CTNNA2: variants seen among roughly 807,000 people sequenced by gnomAD.
CTNNA2 encodes the protein catenin alpha-2.
In CTNNA2, 42 loss-of-function variants were observed where a neutral mutation model predicts 101.0. The observed-to-expected ratio is 0.42, with a 90% CI of 0.32 to 0.54. The LOEUF (loss-of-function observed/expected upper bound fraction) is 0.54. Ranked by LOEUF, CTNNA2 falls within the 20% of genes least tolerant of loss-of-function variation. The pLI is 0.14. For synonymous variants in CTNNA2, 450 were observed against 456.4 expected (o/e 0.99, Z 0.18); for missense variants, 871 against 1,223.1 (o/e 0.71, Z 4.29).
At chr2:79,446,848 T>C (rs1475396849) in intron 4 of CTNNA2, among the ~76,000 whole-genome samples, 5 of 152,176 alleles carry the variant, frequency 3.3e-5, no homozygotes, top group Admixed American at 6.6e-5. Context: ...TTGTCCTATA[T>C]AGAGAATTGG....
chr2:79,221,269 A>G (rs1282364196), intron 2 of CTNNA2, among the ~76,000 whole-genome samples: 1 of 152,162 alleles, frequency 6.6e-6, no homozygotes, highest in African/African-American at 2.4e-5. Flanking sequence ...TTCCTGCCTC[A>G]GCCAAGTAGC....
At chr2:79,432,705 T>C (rs1470164629) in intron 4 of CTNNA2, among the ~76,000 whole-genome samples, 1 of 152,166 alleles carries the variant, frequency 6.6e-6, no homozygotes, top group Non-Finnish European at 1.5e-5. Context: ...TAGAGATCTG[T>C]GAGTTTATTT....
At chr2:80,216,147 A>G (rs887327324) in intron 7 of CTNNA2, among the ~76,000 whole-genome samples, 4 of 152,144 alleles carry the variant, frequency 2.6e-5, no homozygotes, top group Admixed American at 6.5e-5. Context: ...CCGATTTTCC[A>G]GGTACCGTCT....
At chr2:79,453,515 ATC>A (rs368127472) in intron 4 of CTNNA2, among the ~76,000 whole-genome samples, 1 of 152,314 alleles carries the variant, frequency 6.6e-6, no homozygotes, top group African/African-American at 2.4e-5. Flanking sequence ...TGGAGGGTCT[ATC>A]TGACACAGAA....
rs7586542 is a variant in CTNNA2 at position 80,257,858 on chromosome 2, G to A, written c.1057-135353G>A. Reference sequence around the variant, plus strand: ...CTACACCCGGGCAATCATCAGTGCAGTCGATTATACTGCCACTTGCTTTCT... The same window carrying A: ...CTACACCCGGGCAATCATCAGTGCAATCGATTATACTGCCACTTGCTTTCT... On this transcript the variant is annotated intron_variant, in intron 7 of 18. Coordinates refer to ENST00000402739, the MANE Select transcript of CTNNA2 (RefSeq NM_001282597.3). Among the ~76,000 whole-genome samples the A allele has an allele frequency of 1.7e-3, 253 of 152,356 alleles. 2 individuals carry two copies. Among genetic ancestry groups the A allele is most frequent in the African/African-American group, 5.9e-3 (244 of 41,596 alleles).
intron 1 of CTNNA2, among the ~76,000 whole-genome samples, chr2:79,611,663 G>C (rs1030583488): frequency 6.6e-6 from 1 of 152,096 alleles, no homozygotes; most frequent in Non-Finnish European, 1.5e-5. Flanking sequence ...GTAGTTCTGA[G>C]GCAGGGATGT....
intron 3 of CTNNA2, among the ~76,000 whole-genome samples, chr2:79,315,192 T>C (rs764600608): frequency 1.3e-5 from 2 of 152,214 alleles, no homozygotes; most frequent in African/African-American, 2.4e-5. Flanking sequence ...ACCATTCTTA[T>C]AGTCTATTTA....
intron 16 of CTNNA2, among the ~76,000 whole-genome samples, chr2:80,606,367 AAC>A (rs67402125): frequency 0.094 from 12,895 of 137,318 alleles, 592 homozygotes; most frequent in Non-Finnish European, 0.11. Context: ...AAACACATCA[AAC>A]ACACACACAC....
intron 2 of CTNNA2, among the ~76,000 whole-genome samples, chr2:79,227,474 C>T (rs1472537451): frequency 1.3e-5 from 2 of 151,852 alleles, no homozygotes; most frequent in Non-Finnish European, 2.9e-5. Flanking sequence ...GCGTGAAAGC[C>T]CTCTGGATGA....
At chr2:80,006,427 A>G (rs1245121506) in intron 7 of CTNNA2, among the ~76,000 whole-genome samples, 3 of 151,938 alleles carry the variant, frequency 2.0e-5, no homozygotes, top group Non-Finnish European at 4.4e-5. Flanking sequence ...CTAGAACCCT[A>G]CAGCTCATTT....
chr2:79,876,091 A>G (rs904035318), intron 6 of CTNNA2, among the ~76,000 whole-genome samples: 1 of 152,226 alleles, frequency 6.6e-6, no homozygotes, highest in Non-Finnish European at 1.5e-5. Flanking sequence ...ACTTGTCAGT[A>G]AATGATATCA....
intron 7 of CTNNA2, among the ~76,000 whole-genome samples, chr2:79,921,492 G>A (rs1186273416): frequency 6.6e-6 from 1 of 152,064 alleles, no homozygotes; most frequent in African/African-American, 2.4e-5. Flanking sequence ...CCAGCACTTT[G>A]CCCTGCGAGA....
intron 15 of CTNNA2, among the ~76,000 whole-genome samples, chr2:80,601,417 C>CT (rs375645223): frequency 0.011 from 1,033 of 94,100 alleles, 41 homozygotes; most frequent in African/African-American, 0.036. Context: ...TTCTTTCTTT[C>CT]TTTCTTTTTT....
At chr2:80,348,517 G>A (rs925679291) in intron 7 of CTNNA2, among the ~76,000 whole-genome samples, 1 of 152,050 alleles carries the variant, frequency 6.6e-6, no homozygotes, top group Non-Finnish European at 1.5e-5. Context: ...GGTTGAACTT[G>A]GCATTTGAAA....
chr2:80,562,033 G>A (rs1693648099), intron 12 of CTNNA2, among the ~76,000 whole-genome samples: 1 of 150,520 alleles, frequency 6.6e-6, no homozygotes, highest in Non-Finnish European at 1.5e-5. Flanking sequence ...AAAAACTTTT[G>A]GAATATAAAT....
intron 7 of CTNNA2, among the ~76,000 whole-genome samples, chr2:80,022,205 C>G (rs906716566): frequency 8.5e-5 from 13 of 152,168 alleles, no homozygotes; most frequent in African/African-American, 2.9e-4. Flanking sequence ...GGTATCTATT[C>G]TTTTGCTTAG....
At chr2:79,892,287 G>C (rs1684365151) in intron 6 of CTNNA2, among the ~76,000 whole-genome samples, 1 of 152,024 alleles carries the variant, frequency 6.6e-6, no homozygotes, top group Non-Finnish European at 1.5e-5. Flanking sequence ...TTTAATGGAA[G>C]GCTATGTATA....
At chr2:79,457,455 T>C (rs1558670726) in intron 4 of CTNNA2, among the ~76,000 whole-genome samples, 1 of 152,010 alleles carries the variant, frequency 6.6e-6, no homozygotes, top group East Asian at 1.9e-4. Flanking sequence ...TTTTCAAACA[T>C]GAAAGGAAAA....
chr2:79,352,959 A>C (rs1291618200), intron 3 of CTNNA2, among the ~76,000 whole-genome samples: 1 of 152,166 alleles, frequency 6.6e-6, no homozygotes, highest in Non-Finnish European at 1.5e-5. Context: ...AAAGAGAGCA[A>C]AGGGGAAGGT....
Sources: allele counts gnomAD v4.1 joint callset (sites outside exome capture counted in the v4.1 genomes callset), GRCh38; gene constraint gnomAD v4.1.1; transcripts MANE v1.5; gene names NCBI Gene and HGNC (gene_info 2026-07-23, HGNC 2026-07-21).